UNC80: variants seen among roughly 807,000 people sequenced by gnomAD.
The protein encoded by UNC80 is unc-80 subunit of NALCN channel complex.
In UNC80, 164 loss-of-function variants were observed where a neutral mutation model predicts 384.6. The ratio of observed to expected loss-of-function variants is 0.43; its 90% CI spans 0.38 to 0.49. UNC80 has a LOEUF of 0.49. Ranked by LOEUF, UNC80 falls within the 20% of genes least tolerant of loss-of-function variation. The pLI, the probability that UNC80 is intolerant of heterozygous loss-of-function variation, is 0.00. For missense variants in UNC80, 3,330 were observed against 4,143.0 expected (o/e 0.80, Z 5.39); for synonymous variants, 1,486 against 1,527.8 (o/e 0.97, Z 0.64).
chr2:209,831,429 C>G lies in UNC80; in HGVS notation c.2627-14C>G, dbSNP rs540670222. On this transcript the variant is annotated splice_polypyrimidine_tract_variant and intron_variant, in intron 15 of 64. Coordinates refer to ENST00000673920, the MANE Select transcript of UNC80 (RefSeq NM_001371986.1). The stretch of plus-strand genomic sequence containing the variant: ...AAGGAAACATTGTCTTTAATTTGTG[C>G]CTTTGCATTCCAGACAAGGCTGGGT... The G allele has an allele frequency of 2.6e-6, 4 of 1,541,670 alleles. No individual in the cohort carries two copies. Among genetic ancestry groups the G allele is most frequent in the African/African-American group, 1.4e-5 (1 of 72,886 alleles).
chr2:209,844,451 T>TTTTCTTTCTTTCTTTCTTTCTTTCTTTC lies in UNC80; in HGVS notation c.3454+2006_3454+2033dup, dbSNP rs368627996. Among the ~76,000 whole-genome samples, 211 of 58,206 alleles carry TTTTCTTTCTTTCTTTCTTTCTTTCTTTC rather than the reference T, an allele frequency of 3.6e-3. 13 individuals are homozygous for TTTTCTTTCTTTCTTTCTTTCTTTCTTTC. The highest frequency in any genetic ancestry group is 0.01 in the Middle Eastern group (1 of 98). 38.2% of individuals were successfully genotyped at this position (58,206 alleles called of 152,430 possible). On this transcript the variant is annotated intron_variant, in intron 21 of 64. Transcript: ENST00000673920. ...CTCTTTCTCTTTTCTTGCTCTTTTC[T>TTTTCTTTCTTTCTTTCTTTCTTTCTTTC]TTTCTTTCTTTCTTTCTTTCTTTCT...
Position 209,943,368 on chromosome 2 carries a change from AT to A in UNC80, c.6916-7del. The stretch of plus-strand genomic sequence containing the variant: ...TTAAGGCATTTTTTGAATATCTGGC[AT>A]TTTTCCATAGGTGTACTCCGACTAT... On this transcript the variant is annotated splice_polypyrimidine_tract_variant and intron_variant, in intron 44 of 64. Transcript: ENST00000673920. 1 of 1,551,020 alleles carries A rather than the reference AT, an allele frequency of 6.4e-7. No individual in the cohort carries two copies. Among genetic ancestry groups the A allele is most frequent in the Non-Finnish European group, 8.7e-7 (1 of 1,146,650 alleles).
Position 209,872,881 on chromosome 2 carries a change from C to T in UNC80, c.3751C>T (p.Leu1251Phe). The change falls in exon 23 of 65, where the codon CTT (leucine) becomes TTT (phenylalanine). Residue 1251 changes from leucine (L) to phenylalanine (F), a missense_variant. Around this residue, in one of 8 missense-constraint regions of UNC80, gnomAD observed 801 missense variants for 950.8 expected, o/e 0.84. Coordinates refer to ENST00000673920, the MANE Select transcript of UNC80 (RefSeq NM_001371986.1). The surrounding 1 kb of genome is among the most constrained non-coding windows in gnomAD (Gnocchi z 4.1). Reference sequence around the variant, plus strand: ...CCACGTGAACATCACCAAGAAAGGACTTTCCCGGGGACGCTCTCCCATTGT... The same window carrying T: ...CCACGTGAACATCACCAAGAAAGGATTTTCCCGGGGACGCTCTCCCATTGT... ...GHHVNITKKG[L>F]SRGRSPIVGN... is the part of the protein sequence containing the mutation. The T allele has an allele frequency of 6.4e-7, 1 of 1,551,490 alleles. No individual in the cohort carries two copies. The highest frequency in any genetic ancestry group is 1.4e-5 in the African/African-American group (1 of 73,134).
intron 40 of UNC80, 43 bp downstream of exon 40, chr2:209,935,851 T>A: frequency 8.6e-7 from 1 of 1,167,524 alleles, no homozygotes; most frequent in Non-Finnish European, 1.2e-6. Flanking sequence ...AGGACAATGC[T>A]ATGGCCACCT....
intron 43 of UNC80, among the ~76,000 whole-genome samples, chr2:209,940,831 CA>C: frequency 6.6e-6 from 1 of 152,070 alleles, no homozygotes; most frequent in South Asian, 2.1e-4. Context: ...AAACAAAAAA[CA>C]AAAAACAAAA....
At chr2:209,858,421 A>G (rs2124855927) in intron 22 of UNC80, among the ~76,000 whole-genome samples, 2 of 152,216 alleles carry the variant, frequency 1.3e-5, no homozygotes, top group South Asian at 4.2e-4. Flanking sequence ...AAAAGCATGT[A>G]TTTGGGCCGA....
intron 63 of UNC80, 75 bp from the exon 64 acceptor site, chr2:209,993,990 A>T: frequency 1.5e-6 from 2 of 1,315,430 alleles, no homozygotes; most frequent in Non-Finnish European, 2.1e-6. Flanking sequence ...GACACTGGTT[A>T]ATACCAACTA....
At position 209,925,452 on chromosome 2, in the gene UNC80, A is replaced by G. The variant is rs112012862; in HGVS notation, c.5663-1391A>G. Among the ~76,000 whole-genome samples, 601 of 152,326 alleles carry G rather than the reference A, an allele frequency of 3.9e-3. 3 individuals are homozygous for G. Among genetic ancestry groups the G allele is most frequent in the African/African-American group, 0.014 (577 of 41,562 alleles). On this transcript the variant is annotated intron_variant, in intron 35 of 64. Transcript: ENST00000673920. ...AGCAGCAAGATTTATTGTGAAGAGC[A>G]AAAGAACAAAGCTTCTGCAATGTGG...
chr2:209,810,841 C>T (rs746878723), intron 7 of UNC80, among the ~76,000 whole-genome samples: 1 of 152,030 alleles, frequency 6.6e-6, no homozygotes, highest in Non-Finnish European at 1.5e-5. Context: ...TATAATAAAT[C>T]AAATGATTTT....
chr2:209,918,494 A>G (rs750255387), intron 32 of UNC80, 38 bp from the exon 33 acceptor site: 13 of 1,541,374 alleles, frequency 8.4e-6, no homozygotes, highest in Non-Finnish European at 1.1e-5. Context: ...TCTAGCTTAT[A>G]TTCCCTCTCA....
In UNC80 at chr2:209,816,977, G is replaced by C; in HGVS notation, c.1404G>C (p.Arg468Ser). 6.4e-7 allele frequency: 1 copy of C among 1,551,704 alleles called. No homozygotes were observed. ...CATTCCACCACACAGGCAAGAGGAGGCCACGGAGAATGGGAGTGCCCTTCC... is the reference window on the plus strand; with the variant it reads ...CATTCCACCACACAGGCAAGAGGAGCCCACGGAGAATGGGAGTGCCCTTCC... ...SIPFHHTGKR[R>S]PRRMGVPFLL... The change falls in exon 10 of 65, where the codon AGG (arginine) becomes AGC (serine). Residue 468 changes from arginine (R) to serine (S), a missense_variant. Arg to Ser is a moderately radical substitution (Grantham distance 110). Transcript: ENST00000673920.
At chr2:209,925,369 C>T (rs969260298) in intron 35 of UNC80, among the ~76,000 whole-genome samples, 16 of 152,122 alleles carry the variant, frequency 1.1e-4, no homozygotes, top group Admixed American at 5.9e-4. Flanking sequence ...AATGAAGCCG[C>T]GGACCTTCAC....
intron 16 of UNC80, 60 bp downstream of exon 16, chr2:209,831,651 CA>C: frequency 7.1e-7 from 1 of 1,416,780 alleles, no homozygotes; most frequent in Non-Finnish European, 9.3e-7. Flanking sequence ...GAAAAGTACT[CA>C]TTGTCGTGGC....
intron 13 of UNC80, among the ~76,000 whole-genome samples, chr2:209,823,726 T>C (rs905966834): frequency 3.9e-5 from 6 of 151,998 alleles, no homozygotes; most frequent in African/African-American, 1.4e-4. Flanking sequence ...TTATATGCCT[T>C]TCATGTTTTG....
chr2:209,847,175 C>T (rs996656222), intron 21 of UNC80, among the ~76,000 whole-genome samples: 1 of 152,010 alleles, frequency 6.6e-6, no homozygotes, highest in African/African-American at 2.4e-5. Flanking sequence ...TTCCTTCTCT[C>T]TTTATCTCTC....
chr2:209,886,430 T>G (rs984331833), intron 25 of UNC80, among the ~76,000 whole-genome samples: 1 of 151,712 alleles, frequency 6.6e-6, no homozygotes, highest in African/African-American at 2.4e-5. Context: ...AATTAAAAAA[T>G]TAGAAAATTA....
intron 48 of UNC80, among the ~76,000 whole-genome samples, chr2:209,954,718 G>A (rs1433145831): frequency 6.6e-6 from 1 of 152,140 alleles, no homozygotes; most frequent in Non-Finnish European, 1.5e-5. Context: ...GAAGTGTTGT[G>A]TTTTTAACTA....
In UNC80 at chr2:209,833,977, C is replaced by T. The variant is rs1165477424; in HGVS notation, c.2776-25C>T. On this transcript the variant is annotated intron_variant, in intron 16 of 64. Coordinates refer to ENST00000673920, the MANE Select transcript of UNC80 (RefSeq NM_001371986.1). ...AATCACACAGCTATCTTTCTTTCTC[C>T]AACTTCCTTCTTGCCTCCAAACAGG... is the stretch of plus-strand genomic sequence containing the variant. 4 of 1,546,070 alleles carry T rather than the reference C, an allele frequency of 2.6e-6. No homozygotes were observed. The Admixed American group carries it at 6.0e-5, about 23-fold the overall frequency.
rs1336819279 is a variant in UNC80 at position 209,995,570 on chromosome 2, C to T, written c.9950C>T (p.Ala3317Val). 2.6e-6 allele frequency: 4 copies of T among 1,551,944 alleles called. No individual in the cohort carries two copies. The highest frequency in any genetic ancestry group is 2.4e-5 in the South Asian group (2 of 84,068). The change falls in exon 65 of 65, where the codon GCA (alanine) becomes GTA (valine). Residue 3317 changes from alanine (A) to valine (V), a missense_variant. Ala to Val is a moderately conservative substitution (Grantham distance 64). Transcript: ENST00000673920. ...FTPTELGKTD[A>V]VLDESHV ...CCCACTGAGCTGGGGAAAACGGATGCAGTATTAGATGAGTCTCATGTTTAA... is the reference window on the plus strand; with the variant it reads ...CCCACTGAGCTGGGGAAAACGGATGTAGTATTAGATGAGTCTCATGTTTAA...
Sources: gnomAD v4.1 joint callset for allele counts (sites outside exome capture counted in the v4.1 genomes callset) on GRCh38, gnomAD v4.1.1 for gene constraint, gnomAD v4.1.1 regional missense constraint, Gnocchi (gnomAD v3.1) non-coding constraint, MANE v1.5 for transcripts, NCBI Gene and HGNC (gene_info 2026-07-23, HGNC 2026-07-21) for gene names.